The following RPGRIP1L variants were observed in gnomAD, a reference collection of about 807,000 sequenced individuals.
RPGRIP1L encodes the protein protein fantom.
RPGRIP1L carries 131 observed loss-of-function variants against 160.4 expected under a neutral mutation model. The observed-to-expected ratio is 0.82, with a 90% CI of 0.71 to 0.94. The LOEUF is 0.94. Ranked by LOEUF, RPGRIP1L falls within the 40% of genes least tolerant of loss-of-function variation. The pLI is 0.00. For synonymous variants in RPGRIP1L, 510 were observed against 515.8 expected (o/e 0.99, Z 0.15); for missense variants, 1,522 against 1,535.8 (o/e 0.99, Z 0.15).
Position 53,675,078 on chromosome 16 carries a change from T to A in RPGRIP1L, c.821A>T (p.Gln274Leu), listed in dbSNP as rs141574764. ...AAGAGCATTGCTTTTCTCTACTAGC[T>A]GTTTATGAAGCTTAATCATTTCTAC... Reference protein sequence around the residue: ...DNVEMIKLHKQLVEKSNALSA... With the variant: ...DNVEMIKLHKLLVEKSNALSA... Residue 274 changes from glutamine to leucine, a missense_variant, in exon 7 of 27, where the codon CAG becomes CTG. Gln to Leu is a moderately radical substitution (Grantham distance 113). Coordinates refer to ENST00000647211, the MANE Select transcript of RPGRIP1L (RefSeq NM_015272.5). The A allele has an allele frequency of 1.0e-4, 164 of 1,611,820 alleles. No homozygotes were observed. Among genetic ancestry groups the A allele is most frequent in the Non-Finnish European group, 1.4e-4 (161 of 1,179,026 alleles).
chr16:53,601,319 AT>A lies in RPGRIP1L; in HGVS notation c.*756del, dbSNP rs1963368521. On this transcript the variant is annotated 3_prime_UTR_variant, in exon 27 of 27. Transcript: ENST00000647211. ...CATATACTAAGTTTTCAACGTGTAA[AT>A]TTCACATCTATCTATATAACTATCT... 6.6e-6 allele frequency: 1 copy of A among 152,320 alleles called. No individual in the cohort carries two copies. Among genetic ancestry groups the A allele is most frequent in the African/African-American group, 2.4e-5 (1 of 41,452 alleles). The allele number at this position is 152,320 out of a possible 1,614,324, so 9.4% of individuals were successfully genotyped here. A position where few individuals can be genotyped will look rare whatever the true frequency, so the allele number is the denominator to read the frequency against.
intron 19 of RPGRIP1L, among the ~76,000 whole-genome samples, chr16:53,640,105 T>G (rs1055310580): frequency 6.6e-6 from 1 of 152,144 alleles, no homozygotes; most frequent in African/African-American, 2.4e-5. Context: ...CTGACACCTT[T>G]TGTGGATGAC....
chr16:53,616,252 T>C (rs1369317584), intron 24 of RPGRIP1L, among the ~76,000 whole-genome samples: 2 of 152,230 alleles, frequency 1.3e-5, no homozygotes, highest in Admixed American at 6.5e-5. Context: ...ATTGACCTTC[T>C]GTATCAGGTA....
intron 25 of RPGRIP1L, 35 bp downstream of exon 25, chr16:53,610,932 T>C (rs1432289543): frequency 1.4e-6 from 2 of 1,467,766 alleles, no homozygotes; most frequent in Admixed American, 3.3e-5. Context: ...CTACTTTATG[T>C]AAACCATTAG....
chr16:53,698,946 A>G (rs1971133313), intron 2 of RPGRIP1L, among the ~76,000 whole-genome samples: 1 of 152,192 alleles, frequency 6.6e-6, no homozygotes, highest in Non-Finnish European at 1.5e-5. Context: ...TGGAATAGAA[A>G]GCGGGGAAAG....
At chr16:53,671,248 T>C (rs1164535355) in intron 9 of RPGRIP1L, among the ~76,000 whole-genome samples, 1 of 152,198 alleles carries the variant, frequency 6.6e-6, no homozygotes, top group African/African-American at 2.4e-5. Flanking sequence ...TGTTAGTTTA[T>C]AGTTAGTGTT....
At chr16:53,676,356 T>C (rs1969165692) in intron 6 of RPGRIP1L, among the ~76,000 whole-genome samples, 1 of 152,056 alleles carries the variant, frequency 6.6e-6, no homozygotes, top group Admixed American at 6.5e-5. Flanking sequence ...TACTCACTAA[T>C]ATTCACTCAG....
At chr16:53,676,854 C>T (rs979845716) in intron 6 of RPGRIP1L, among the ~76,000 whole-genome samples, 6 of 151,878 alleles carry the variant, frequency 4.0e-5, no homozygotes, top group African/African-American at 9.7e-5. Context: ...AGGATGGTTT[C>T]GATCTCCTGA....
At chr16:53,648,330 C>T (rs1417724263) in intron 16 of RPGRIP1L, among the ~76,000 whole-genome samples, 1 of 152,116 alleles carries the variant, frequency 6.6e-6, no homozygotes, top group Non-Finnish European at 1.5e-5. Context: ...TTGTATCCTA[C>T]TTTGCAGTTC....
At chr16:53,607,647 C>T (rs1963770884) in intron 25 of RPGRIP1L, among the ~76,000 whole-genome samples, 1 of 152,174 alleles carries the variant, frequency 6.6e-6, no homozygotes, top group Non-Finnish European at 1.5e-5. Context: ...ATGTCTGTAT[C>T]ACTTTACAAA....
In RPGRIP1L at chr16:53,641,131, C is replaced by G. The variant is rs749908163; in HGVS notation, c.2875-15G>C. 6.2e-7 allele frequency: 1 copy of G among 1,602,632 alleles called. No individual in the cohort carries two copies. Among genetic ancestry groups the G allele is most frequent in the Non-Finnish European group, 8.5e-7 (1 of 1,169,826 alleles). ...GGTCTTGGTGCCTAAGACAAACCAACCAATGTGTCAGACTGAGTATGATGA... is the reference window on the plus strand; with the variant it reads ...GGTCTTGGTGCCTAAGACAAACCAAGCAATGTGTCAGACTGAGTATGATGA... On this transcript the variant is annotated splice_polypyrimidine_tract_variant and intron_variant, in intron 18 of 26. Transcript: ENST00000647211.
At chr16:53,626,650 C>A (rs1454233636) in intron 22 of RPGRIP1L, among the ~76,000 whole-genome samples, 3 of 151,776 alleles carry the variant, frequency 2.0e-5, no homozygotes, top group East Asian at 1.9e-4. Context: ...ACTAAAGATA[C>A]AAAAATTAGC....
chr16:53,646,130 A>C, intron 16 of RPGRIP1L, 127 bp from the exon 17 acceptor site: 1 of 825,646 alleles, frequency 1.2e-6, no homozygotes, highest in Non-Finnish European at 1.9e-6. Context: ...ATAATTTCTC[A>C]GTAAAATAAA....
At position 53,601,691 on chromosome 16, in the gene RPGRIP1L, T is replaced by C; in HGVS notation, c.*385A>G. 2 of 220,270 alleles carry C rather than the reference T, an allele frequency of 9.1e-6. No individual in the cohort carries two copies. The highest frequency in any genetic ancestry group is 1.5e-4 in the South Asian group (2 of 13,644). 13.6% of individuals were successfully genotyped at this position (220,270 alleles called of 1,614,324 possible). ...GGGACGATTAGGGATAACATAAAAGTATTTCTTTTTCATAGGTTTTCTAAG... is the reference window on the plus strand; with the variant it reads ...GGGACGATTAGGGATAACATAAAAGCATTTCTTTTTCATAGGTTTTCTAAG... On this transcript the variant is annotated 3_prime_UTR_variant, in exon 27 of 27. Coordinates refer to ENST00000647211, the MANE Select transcript of RPGRIP1L (RefSeq NM_015272.5).
At chr16:53,653,115 G>T in intron 14 of RPGRIP1L, 128 bp from the exon 15 acceptor site, 1 of 889,042 alleles carries the variant, frequency 1.1e-6, no homozygotes, top group Non-Finnish European at 1.7e-6. Flanking sequence ...TGACTACACT[G>T]TTTTTCTGTA....
chr16:53,688,964 C>G (rs1970205716), intron 4 of RPGRIP1L, among the ~76,000 whole-genome samples: 2 of 151,608 alleles, frequency 1.3e-5, no homozygotes, highest in African/African-American at 4.8e-5. Flanking sequence ...TTACGCTTTT[C>G]CTACATATAC....
intron 11 of RPGRIP1L, 27 bp downstream of exon 11, chr16:53,658,745 T>A: frequency 6.8e-7 from 1 of 1,468,572 alleles, no homozygotes; most frequent in South Asian, 1.2e-5. Flanking sequence ...TTCTGAGTTT[T>A]ATTTCTTAAA....
intron 9 of RPGRIP1L, 78 bp from the exon 10 acceptor site, chr16:53,665,087 T>A (rs1372065392): frequency 1.3e-6 from 2 of 1,551,924 alleles, no homozygotes; most frequent in Admixed American, 1.7e-5. Context: ...AAGCTTTTAG[T>A]GGCGCAGAGA....
rs768434507 is a variant in RPGRIP1L at position 53,658,405 on chromosome 16, G to C, written c.1401+9C>G. ...GACATGAAAATCACGATGAAGTTCA[G>C]AACCTTACCTTTATAAGTAGGAGAG... On this transcript the variant is annotated intron_variant, in intron 12 of 26. Coordinates refer to ENST00000647211, the MANE Select transcript of RPGRIP1L (RefSeq NM_015272.5). 6.2e-7 allele frequency: 1 copy of C among 1,603,646 alleles called. No individual in the cohort carries two copies. The highest frequency in any genetic ancestry group is 8.5e-7 in the Non-Finnish European group (1 of 1,170,686).
Sources: allele counts gnomAD v4.1 joint callset (sites outside exome capture counted in the v4.1 genomes callset), GRCh38; gene constraint gnomAD v4.1.1; transcripts MANE v1.5; gene names NCBI Gene and HGNC (gene_info 2026-07-23, HGNC 2026-07-21).